ZNF326: variants seen among roughly 807,000 people sequenced by gnomAD.
The protein encoded by ZNF326 is DBIRD complex subunit ZNF326.
In ZNF326, 30 loss-of-function variants were observed where a neutral mutation model predicts 63.1. That is an observed-to-expected ratio of 0.48 (90% CI 0.36 to 0.64). ZNF326 has a LOEUF of 0.64. Ranked by LOEUF, ZNF326 falls within the 30% of genes least tolerant of loss-of-function variation. The pLI is 0.00. For missense variants in ZNF326, 609 were observed against 720.3 expected (o/e 0.85, Z 1.77); for synonymous variants, 194 against 228.2 (o/e 0.85, Z 1.35).
intron 6 of ZNF326, 87 bp downstream of exon 6, chr1:90,010,373 A>T (rs867325780): frequency 2.3e-5 from 30 of 1,329,838 alleles, no homozygotes; most frequent in Middle Eastern, 1.9e-4. Flanking sequence ...TCATGTTTAT[A>T]TACAGAAACT....
At chr1:90,017,233 AAT>A (rs1467804694) in intron 7 of ZNF326, 82 bp from the exon 8 acceptor site, 19 of 956,888 alleles carry the variant, frequency 2.0e-5, no homozygotes, top group Non-Finnish European at 2.7e-5. Context: ...ATGTTGGTAA[AAT>A]TAGTTTCAAT....
chr1:90,018,781 G>T lies in ZNF326; in HGVS notation c.1171G>T (p.Glu391Ter). ...VVKIIEKDVM[E>*]GVTVDDHMMK... ...TAAAATAATTGAAAAAGATGTTATG[G>T]AAGGTAAGTATTTAAAACAAATTAT... The change falls in exon 9 of 12, where the codon GAA becomes TAA. Residue 391 changes from glutamate (E) to a stop codon, truncating the protein, a stop_gained. Transcript: ENST00000340281. LOFTEE classifies it high-confidence loss of function. The T allele has an allele frequency of 1.3e-6, 2 of 1,509,150 alleles. No individual in the cohort carries two copies. Among genetic ancestry groups the T allele is most frequent in the Non-Finnish European group, 1.8e-6 (2 of 1,107,612 alleles). 93.5% of individuals were successfully genotyped at this position (1,509,150 alleles called of 1,614,324 possible).
In ZNF326 at chr1:90,027,619, T is replaced by C. The variant is rs775629417; in HGVS notation, c.1667T>C (p.Val556Ala). The change falls in exon 12 of 12, where the codon GTA (valine) becomes GCA (alanine). Residue 556 changes from valine to alanine, a missense_variant. Transcript: ENST00000340281. ...VVGEVEGVGE[V>A]EEVEELEEET... ...GGAGAAGTAGAGGGAGTGGGGGAAG[T>C]AGAGGAAGTAGAGGAATTAGAGGAA... The C allele has an allele frequency of 1.2e-6, 2 of 1,612,496 alleles. No individual in the cohort carries two copies. The highest frequency in any genetic ancestry group is 2.2e-5 in the East Asian group (1 of 44,774).
Position 90,028,033 on chromosome 1 carries a change from C to T in ZNF326, c.*332C>T, listed in dbSNP as rs74954440. On this transcript the variant is annotated 3_prime_UTR_variant, in exon 12 of 12. Coordinates refer to ENST00000340281, the MANE Select transcript of ZNF326 (RefSeq NM_182976.4). Reference sequence around the variant, plus strand: ...TAATCATTTTATCTTAAATGCTGCTCTTGGGAGTGAATATTCAAGTGTGCA... The same window carrying T: ...TAATCATTTTATCTTAAATGCTGCTTTTGGGAGTGAATATTCAAGTGTGCA... 3,128 of 236,698 alleles carry T rather than the reference C, an allele frequency of 0.013. 110 individuals are homozygous for T. The highest frequency in any genetic ancestry group is 0.068 in the African/African-American group (2,913 of 42,930). 14.7% of individuals were successfully genotyped at this position (236,698 alleles called of 1,614,324 possible). A position where few individuals can be genotyped will look rare whatever the true frequency, so the allele number is the denominator to read the frequency against.
At chr1:90,006,401 A>T (rs185472292) in intron 4 of ZNF326, 2 of 984,852 alleles carry the variant, frequency 2.0e-6, no homozygotes, top group African/African-American at 3.5e-5. Flanking sequence ...GTTTTATCTC[A>T]TGTGTAATTG....
intron 6 of ZNF326, among the ~76,000 whole-genome samples, chr1:90,012,518 C>T (rs760257354): frequency 3.3e-5 from 5 of 152,164 alleles, no homozygotes; most frequent in Admixed American, 2.0e-4. Flanking sequence ...GAGATGGTTG[C>T]GTAACTTTGT....
Position 89,995,194 on chromosome 1 carries a change from G to C in ZNF326, c.-64G>C. 14 of 1,519,238 alleles carry C rather than the reference G, an allele frequency of 9.2e-6. No homozygotes were observed. The highest frequency in any genetic ancestry group is 6.1e-5 in the South Asian group (5 of 82,268). 94.1% of individuals were successfully genotyped at this position (1,519,238 alleles called of 1,614,324 possible). ...TGATCGTGTGGAATCGCGGGTCGCG[G>C]ACGCTCGCCGCCGGCCATAGCTCAG... On this transcript the variant is annotated 5_prime_UTR_variant, in exon 1 of 12. Coordinates refer to ENST00000340281, the MANE Select transcript of ZNF326 (RefSeq NM_182976.4).
At chr1:90,001,277 T>C (rs1230197697) in intron 2 of ZNF326, among the ~76,000 whole-genome samples, 1 of 152,186 alleles carries the variant, frequency 6.6e-6, no homozygotes, top group Non-Finnish European at 1.5e-5. Flanking sequence ...AAGCTTTGGC[T>C]TTTACTTGGA....
At chr1:90,019,102 TCTTTC>T (rs923840556) in intron 9 of ZNF326, among the ~76,000 whole-genome samples, 2 of 152,124 alleles carry the variant, frequency 1.3e-5, no homozygotes, top group African/African-American at 4.8e-5. Context: ...TGTTTTTTAG[TCTTTC>T]CTTCTCTTTT....
chr1:90,007,778 C>A lies in ZNF326; in HGVS notation c.615+28C>A, dbSNP rs759962554. The A allele has an allele frequency of 6.8e-7, 1 of 1,474,968 alleles. No homozygotes were observed. The highest frequency in any genetic ancestry group is 2.4e-5 in the Admixed American group (1 of 41,476). 91.4% of individuals were successfully genotyped at this position (1,474,968 alleles called of 1,614,324 possible). ...AAGTACAACAGAATCTTTTCAGATT[C>A]TTTTCACTAGTCACTCTTTTAAACC... On this transcript the variant is annotated intron_variant, in intron 5 of 11. Transcript: ENST00000340281. The surrounding 1 kb of genome is among the most constrained non-coding windows in gnomAD (Gnocchi z 4.9).
chr1:90,024,562 A>G (rs961268264), intron 11 of ZNF326, among the ~76,000 whole-genome samples: 10 of 152,116 alleles, frequency 6.6e-5, no homozygotes, highest in African/African-American at 2.2e-4. Context: ...AACCTTTAAT[A>G]ACCTCATGTC....
At chr1:90,025,417 C>T (rs982063262) in intron 11 of ZNF326, among the ~76,000 whole-genome samples, 5 of 152,266 alleles carry the variant, frequency 3.3e-5, no homozygotes, top group African/African-American at 1.2e-4. Flanking sequence ...CTGGCTCAGC[C>T]TCCTGAGTAG....
chr1:89,995,643 G>C (rs1333543643), intron 1 of ZNF326, among the ~76,000 whole-genome samples: 1 of 152,242 alleles, frequency 6.6e-6, no homozygotes, highest in African/African-American at 2.4e-5. Flanking sequence ...ACCTAGTCTC[G>C]CATTCGCCCC....
chr1:90,008,902 A>T lies in ZNF326; in HGVS notation c.615+1152A>T, dbSNP rs373091513. ...AATTACCTGGAAACACAACTAGGTTAGATAGGCATTCCTGAGCATAGTATA... is the reference window on the plus strand; with the variant it reads ...AATTACCTGGAAACACAACTAGGTTTGATAGGCATTCCTGAGCATAGTATA... On this transcript the variant is annotated intron_variant, in intron 5 of 11. Transcript: ENST00000340281. Among the ~76,000 whole-genome samples, 3 of 152,182 alleles carry T rather than the reference A, an allele frequency of 2.0e-5. No individual in the cohort carries two copies. The South Asian group carries it at 6.2e-4, about 31-fold the overall frequency.
intron 10 of ZNF326, 125 bp downstream of exon 10, chr1:90,021,047 T>A: frequency 9.7e-7 from 1 of 1,033,366 alleles, no homozygotes; most frequent in Non-Finnish European, 1.4e-6. Context: ...GAAATAACTG[T>A]AAGTATACTC....
intron 6 of ZNF326, among the ~76,000 whole-genome samples, chr1:90,011,427 G>GAGGTAAT (rs1649226979): frequency 6.6e-6 from 1 of 151,368 alleles, no homozygotes. Flanking sequence ...TTACTTATTT[G>GAGGTAAT]AGGTAATATA....
At chr1:90,015,755 G>C (rs576379696) in intron 7 of ZNF326, among the ~76,000 whole-genome samples, 2 of 152,248 alleles carry the variant, frequency 1.3e-5, no homozygotes, top group East Asian at 3.9e-4. Context: ...GAATTGATCT[G>C]GGAATGGTAG....
At position 90,017,300 on chromosome 1, in the gene ZNF326, T is replaced by C; in HGVS notation, c.927-17T>C. On this transcript the variant is annotated splice_polypyrimidine_tract_variant and intron_variant, in intron 7 of 11. Transcript: ENST00000340281. ...AATAAAGTAATATTTAAAGGAAAAC[T>C]TTTTTTTCTCTTACAGAATGGCATT... is the stretch of plus-strand genomic sequence containing the variant. The C allele has an allele frequency of 1.3e-6, 2 of 1,534,378 alleles. No homozygotes were observed. Among genetic ancestry groups the C allele is most frequent in the South Asian group, 1.2e-5 (1 of 80,748 alleles).
Position 90,031,432 on chromosome 1 carries a change from A to G in ZNF326, c.*3731A>G, listed in dbSNP as rs1650266852. ...TTAGATGTTATTCAACATTTGATTT[A>G]TTTACCAAATTGTCCTTACTTTGAA... On this transcript the variant is annotated 3_prime_UTR_variant, in exon 12 of 12. Transcript: ENST00000340281. The G allele has an allele frequency of 6.6e-6, 1 of 152,112 alleles. No individual in the cohort carries two copies. The highest frequency in any genetic ancestry group is 1.5e-5 in the Non-Finnish European group (1 of 68,008). The allele number at this position is 152,112 out of a possible 1,614,324, so 9.4% of individuals were successfully genotyped here.
Sources: gnomAD v4.1 joint callset for allele counts (sites outside exome capture counted in the v4.1 genomes callset) on GRCh38, gnomAD v4.1.1 for gene constraint, Gnocchi (gnomAD v3.1) non-coding constraint, MANE v1.5 for transcripts, NCBI Gene and HGNC (gene_info 2026-07-23, HGNC 2026-07-21) for gene names.